Variants in NRXN1 observed in about 807,000 individuals in gnomAD.
NRXN1 encodes neurexin 1, also known as neurexin-1.
In NRXN1, 39 loss-of-function variants were observed where a neutral mutation model predicts 150.9. That is an observed-to-expected ratio of 0.26 (90% CI 0.20 to 0.34). The LOEUF (loss-of-function observed/expected upper bound fraction) is 0.34. Among genes scored for constraint, NRXN1 ranks in the 10% least tolerant of loss-of-function variants. The pLI is 1.00. For missense variants in NRXN1, 1,815 were observed against 1,949.9 expected (o/e 0.93, Z 1.30); for synonymous variants, 924 against 757.0 (o/e 1.22, Z -3.62).
In NRXN1 at chr2:51,028,206, C is replaced by T. The variant is rs1670921246; in HGVS notation, c.68G>A (p.Cys23Tyr). 6.7e-7 allele frequency: 1 copy of T among 1,490,934 alleles called. No homozygotes were observed. Among genetic ancestry groups the T allele is most frequent in the East Asian group, 2.4e-5 (1 of 42,314 alleles). The allele number at this position is 1,490,934 out of a possible 1,614,324, so 92.4% of individuals were successfully genotyped here. ...LLCLSLLLLG[C>Y]WAELGSGLEF... Reference sequence around the variant, plus strand: ...CAGCCCGCTGCCCAGCTCCGCCCAGCAGCCCAGGAGCAGCAGCGAGAGGCA... The same window carrying T: ...CAGCCCGCTGCCCAGCTCCGCCCAGTAGCCCAGGAGCAGCAGCGAGAGGCA... Residue 23 changes from cysteine to tyrosine, a missense_variant, in exon 2 of 23, where the codon TGC (cysteine) becomes TAC (tyrosine). This residue lies in a region of NRXN1 where 554 missense variants were observed against 478.8 expected (regional missense o/e 1.16). Coordinates refer to ENST00000401669, the MANE Select transcript of NRXN1 (RefSeq NM_001330078.2).
At position 50,236,639 on chromosome 2, in the gene NRXN1, G is replaced by A. The variant is rs115143385; in HGVS notation, c.3546+150C>T. Reference sequence around the variant, plus strand: ...CGATTAACTACAGCAATAGGTATATGGTCTTATTTCCTCTAGATTGTATTC... The same window carrying A: ...CGATTAACTACAGCAATAGGTATATAGTCTTATTTCCTCTAGATTGTATTC... On this transcript the variant is annotated intron_variant, in intron 18 of 22. Transcript: ENST00000401669. The A allele has an allele frequency of 4.0e-3, 2,933 of 728,058 alleles. 69 individuals are homozygous for A. The African/African-American group carries it at 0.046, about 11-fold the overall frequency. The allele number at this position is 728,058 out of a possible 1,614,324, so 45.1% of individuals were successfully genotyped here.
intron 2 of NRXN1, among the ~76,000 whole-genome samples, chr2:50,971,517 A>T (rs754539996): frequency 6.6e-6 from 1 of 152,122 alleles, no homozygotes; most frequent in Non-Finnish European, 1.5e-5. Context: ...CAGGAGGAGG[A>T]GGTTGCGGTG....
chr2:50,284,589 G>A (rs1053494197), intron 17 of NRXN1, among the ~76,000 whole-genome samples: 4 of 152,138 alleles, frequency 2.6e-5, no homozygotes, highest in African/African-American at 9.7e-5. Flanking sequence ...GTCTACCACA[G>A]AATATATTGT....
intron 21 of NRXN1, among the ~76,000 whole-genome samples, chr2:50,038,911 G>A (rs1321466846): frequency 6.6e-6 from 1 of 151,976 alleles, no homozygotes; most frequent in East Asian, 1.9e-4. Context: ...TGGGAGCGGT[G>A]GATCATGCCT....
chr2:50,977,050 C>T (rs1441473034), intron 2 of NRXN1, among the ~76,000 whole-genome samples: 3 of 151,886 alleles, frequency 2.0e-5, no homozygotes, highest in Non-Finnish European at 2.9e-5. Context: ...AACAGCATAA[C>T]AGAATTATAG....
intron 18 of NRXN1, among the ~76,000 whole-genome samples, chr2:50,143,486 A>G (rs1456760831): frequency 6.6e-6 from 1 of 152,020 alleles, no homozygotes; most frequent in Non-Finnish European, 1.5e-5. Context: ...TATAATTAAA[A>G]TCAACCTAGA....
At chr2:50,746,531 C>G (rs1179416954) in intron 5 of NRXN1, among the ~76,000 whole-genome samples, 1 of 151,508 alleles carries the variant, frequency 6.6e-6, no homozygotes, top group Non-Finnish European at 1.5e-5. Context: ...ACACTGCAGC[C>G]TGGGCAACAG....
intron 18 of NRXN1, among the ~76,000 whole-genome samples, chr2:50,186,252 G>A (rs2061063681): frequency 6.6e-6 from 1 of 151,796 alleles, no homozygotes; most frequent in Non-Finnish European, 1.5e-5. Flanking sequence ...AACTAACAAG[G>A]GAATCTTTAC....
intron 17 of NRXN1, among the ~76,000 whole-genome samples, chr2:50,449,740 A>G (rs1157242403): frequency 6.6e-6 from 1 of 152,206 alleles, no homozygotes; most frequent in Non-Finnish European, 1.5e-5. Flanking sequence ...AATGATCTGT[A>G]CATGTCAGGC....
chr2:50,611,652 T>C (rs566527886), intron 8 of NRXN1, among the ~76,000 whole-genome samples: 3 of 152,314 alleles, frequency 2.0e-5, no homozygotes, highest in Non-Finnish European at 2.9e-5. Flanking sequence ...TTAGAAAATC[T>C]AAAAATCTAG....
At chr2:50,663,772 C>T (rs1687633723) in intron 5 of NRXN1, among the ~76,000 whole-genome samples, 1 of 152,036 alleles carries the variant, frequency 6.6e-6, no homozygotes, top group Admixed American at 6.6e-5. Context: ...ATGTGTGTCA[C>T]AGTATGCACT....
intron 22 of NRXN1, among the ~76,000 whole-genome samples, chr2:49,935,159 T>C (rs1670813364): frequency 6.6e-6 from 1 of 152,236 alleles, no homozygotes; most frequent in African/African-American, 2.4e-5. Context: ...TTGTCTCATT[T>C]TTATCAGTAC....
At chr2:50,713,682 C>T (rs552344821) in intron 5 of NRXN1, among the ~76,000 whole-genome samples, 17 of 151,816 alleles carry the variant, frequency 1.1e-4, no homozygotes, top group African/African-American at 3.1e-4. Context: ...AAATGTACTT[C>T]GCAAACAAAA....
chr2:50,410,017 C>T (rs2083030977), intron 17 of NRXN1, among the ~76,000 whole-genome samples: 1 of 152,090 alleles, frequency 6.6e-6, no homozygotes, highest in African/African-American at 2.4e-5. Flanking sequence ...TACGTGAACC[C>T]TTTACTCCTG....
At chr2:50,714,661 T>A (rs1054772789) in intron 5 of NRXN1, among the ~76,000 whole-genome samples, 1 of 152,146 alleles carries the variant, frequency 6.6e-6, no homozygotes, top group Admixed American at 6.6e-5. Flanking sequence ...AATCAAAATA[T>A]ACCAAATTCT....
chr2:50,956,753 A>G (rs1692348001), intron 2 of NRXN1, among the ~76,000 whole-genome samples: 1 of 151,840 alleles, frequency 6.6e-6, no homozygotes, highest in Non-Finnish European at 1.5e-5. Flanking sequence ...ATTTAATTTA[A>G]AAAATAAAAA....
At chr2:50,370,784 C>A (rs1329373040) in intron 17 of NRXN1, among the ~76,000 whole-genome samples, 1 of 151,920 alleles carries the variant, frequency 6.6e-6, no homozygotes, top group Non-Finnish European at 1.5e-5. Flanking sequence ...TTAGCGAACA[C>A]GAATTCAAAA....
At chr2:50,092,321 G>A (rs574781662) in intron 18 of NRXN1, among the ~76,000 whole-genome samples, 1 of 152,280 alleles carries the variant, frequency 6.6e-6, no homozygotes, top group South Asian at 2.1e-4. Flanking sequence ...CATGTGCTAT[G>A]TCCTCTGCCT....
rs910405289 is a variant in NRXN1 at position 49,919,739 on chromosome 2, T to C, written c.*2205A>G. On this transcript the variant is annotated 3_prime_UTR_variant, in exon 23 of 23. Transcript: ENST00000401669. ...AGAAGCAATGGATATTAAATTTTCATTTTATACCTTCTACTTTCTGGGTCA... is the reference window on the plus strand; with the variant it reads ...AGAAGCAATGGATATTAAATTTTCACTTTATACCTTCTACTTTCTGGGTCA... The C allele has an allele frequency of 2.0e-5, 3 of 152,146 alleles. No individual in the cohort carries two copies. Among genetic ancestry groups the C allele is most frequent in the Admixed American group, 1.3e-4 (2 of 15,282 alleles). 9.4% of individuals were successfully genotyped at this position (152,146 alleles called of 1,614,324 possible). A position where few individuals can be genotyped will look rare whatever the true frequency, so the allele number is the denominator to read the frequency against.
Sources: gnomAD v4.1 joint callset for allele counts (sites outside exome capture counted in the v4.1 genomes callset) on GRCh38, gnomAD v4.1.1 for gene constraint, gnomAD v4.1.1 regional missense constraint, MANE v1.5 for transcripts, NCBI Gene and HGNC (gene_info 2026-07-23, HGNC 2026-07-21) for gene names.